Variants in AFF2 observed in about 807,000 individuals in gnomAD.
The protein encoded by AFF2 is AF4/FMR2 family member 2.
Under a neutral mutation model 76.9 loss-of-function variants are expected in AFF2, and 14 were observed. That is an observed-to-expected ratio of 0.18 (90% CI 0.12 to 0.28). The LOEUF (loss-of-function observed/expected upper bound fraction) is 0.28. Among genes scored for constraint, AFF2 ranks in the 10% least tolerant of loss-of-function variants. The pLI is 1.00. For missense variants in AFF2, 868 were observed against 1,001.1 expected (o/e 0.87, Z 1.79); for synonymous variants, 398 against 366.7 (o/e 1.09, Z -0.98).
At chrX:148,544,516 G>T (rs2052898241) in intron 1 of AFF2, among the ~76,000 whole-genome samples, 1 of 112,331 alleles carries the variant, frequency 8.9e-6, no homozygotes, top group Non-Finnish European at 1.9e-5. Flanking sequence ...GTCTCAGTTT[G>T]CCTCTGTCTT....
At chrX:148,690,377 G>A (rs1200400884) in intron 3 of AFF2, among the ~76,000 whole-genome samples, 1 of 112,164 alleles carries the variant, frequency 8.9e-6, no homozygotes, top group East Asian at 2.8e-4. Context: ...GTGGACCATA[G>A]AATCATAGAA....
intron 1 of AFF2, among the ~76,000 whole-genome samples, chrX:148,530,880 T>G: frequency 8.9e-6 from 1 of 111,807 alleles, no homozygotes; most frequent in East Asian, 2.8e-4. Flanking sequence ...GTTTAATCAT[T>G]TACATTTAGC....
chrX:148,551,482 GAAAAAAAAAAA>G (rs781883999), intron 1 of AFF2, among the ~76,000 whole-genome samples: 39 of 38,013 alleles, frequency 1.0e-3, no homozygotes, highest in East Asian at 3.1e-3. Flanking sequence ...GCTGGGAAGT[GAAAAAAAAAAA>G]AAAAAAAAAA....
At chrX:148,912,297 C>T (rs1159072824) in intron 9 of AFF2, among the ~76,000 whole-genome samples, 1 of 112,107 alleles carries the variant, frequency 8.9e-6, no homozygotes, top group Non-Finnish European at 1.9e-5. Context: ...CTCCACCCCC[C>T]CATCAGGCCC....
intron 1 of AFF2, among the ~76,000 whole-genome samples, chrX:148,651,565 T>C (rs1315271829): frequency 8.9e-6 from 1 of 111,980 alleles, no homozygotes. Context: ...AAATCCAATT[T>C]ATCTTCAGCT....
In AFF2 at chrX:148,995,472, AGGGGGT is replaced by A. The variant is rs1313439532; in HGVS notation, c.*4152_*4157del. 1 of 1,920 alleles carries A rather than the reference AGGGGGT, an allele frequency of 5.2e-4. No homozygotes were observed. The highest frequency in any genetic ancestry group is 1.1e-3 in the Non-Finnish European group (1 of 926). 0.2% of individuals were successfully genotyped at this position (1,920 alleles called of 1,213,427 possible). ...AAATTGCATTGTGGGGAGGGCAGAAAGGGGGTGGGGGTGGGGGCGGGGGGGTGGGGG... is the reference window on the plus strand; with the variant it reads ...AAATTGCATTGTGGGGAGGGCAGAAAGGGGGTGGGGGCGGGGGGGTGGGGG... On this transcript the variant is annotated 3_prime_UTR_variant, in exon 21 of 21. Transcript: ENST00000370460.
chrX:148,798,567 G>A (rs2070016447), intron 3 of AFF2, among the ~76,000 whole-genome samples: 1 of 112,301 alleles, frequency 8.9e-6, no homozygotes, highest in Non-Finnish European at 1.9e-5. Context: ...TCAAGAGTAG[G>A]TCTGGTTAGT....
chrX:148,628,658 AAGCT>A (rs2053952007), intron 1 of AFF2, among the ~76,000 whole-genome samples: 1 of 112,032 alleles, frequency 8.9e-6, no homozygotes, highest in African/African-American at 3.2e-5. Context: ...GAAGCAGAGA[AAGCT>A]AGCTATGATA....
chrX:148,507,978 A>G (rs1269600730), intron 1 of AFF2, among the ~76,000 whole-genome samples: 6 of 112,440 alleles, frequency 5.3e-5, no homozygotes, highest in African/African-American at 1.9e-4. Context: ...GAAAAATAAA[A>G]TCAGCTAATG....
At chrX:148,772,183 AG>A (rs1354327102) in intron 3 of AFF2, among the ~76,000 whole-genome samples, 25 of 112,220 alleles carry the variant, frequency 2.2e-4, no homozygotes, top group African/African-American at 8.1e-4. Context: ...GCTTTTGTAC[AG>A]TTATAGGTTA....
At position 148,998,618 on chromosome X, in the gene AFF2, G is replaced by A. The variant is rs1421764769; in HGVS notation, c.*7286G>A. ...AGGCAGATGAGACAGTGTTATATCA[G>A]GATTTTTCAATCAACTTTAGTTGGA... On this transcript the variant is annotated 3_prime_UTR_variant, in exon 21 of 21. Transcript: ENST00000370460. 8 of 111,519 alleles carry A rather than the reference G, an allele frequency of 7.2e-5. No homozygotes were observed. Among genetic ancestry groups the A allele is most frequent in the Non-Finnish European group, 1.3e-4 (7 of 52,998 alleles). 9.2% of individuals were successfully genotyped at this position (111,519 alleles called of 1,213,427 possible).
At chrX:148,965,065 G>A (rs2072155507) in intron 13 of AFF2, among the ~76,000 whole-genome samples, 1 of 112,412 alleles carries the variant, frequency 8.9e-6, no homozygotes, top group East Asian at 2.8e-4. Flanking sequence ...TCAGCCTTGA[G>A]TTTGCATTTG....
At chrX:148,527,519 T>G (rs1003579576) in intron 1 of AFF2, among the ~76,000 whole-genome samples, 1 of 111,469 alleles carries the variant, frequency 9.0e-6, no homozygotes, top group Non-Finnish European at 1.9e-5. Flanking sequence ...CAGTAGAATA[T>G]CAACATCAAT....
At chrX:148,720,936 G>T (rs1321839883) in intron 3 of AFF2, among the ~76,000 whole-genome samples, 1 of 111,518 alleles carries the variant, frequency 9.0e-6, no homozygotes, top group African/African-American at 3.3e-5. Flanking sequence ...TCTATGGAGG[G>T]TTCATAGAGA....
At chrX:148,970,623 T>C (rs782431771) in intron 15 of AFF2, among the ~76,000 whole-genome samples, 1 of 112,203 alleles carries the variant, frequency 8.9e-6, no homozygotes, top group African/African-American at 3.2e-5. Flanking sequence ...AGTTTAATCA[T>C]GACCATTATC....
chrX:148,736,433 A>G (rs990397110), intron 3 of AFF2, among the ~76,000 whole-genome samples: 4 of 110,014 alleles, frequency 3.6e-5, no homozygotes, highest in East Asian at 2.9e-4. Context: ...AGAATTGTCT[A>G]TTCATGTCCT....
At chrX:148,677,501 G>T (rs1409301038) in intron 3 of AFF2, among the ~76,000 whole-genome samples, 1 of 111,965 alleles carries the variant, frequency 8.9e-6, no homozygotes, top group Non-Finnish European at 1.9e-5. Context: ...TAGAGAGCAT[G>T]GGAAAATATG....
In AFF2 at chrX:148,995,029, T is replaced by G. The variant is rs1257083350; in HGVS notation, c.*3697T>G. 8.9e-6 allele frequency: 1 copy of G among 112,019 alleles called. No individual in the cohort carries two copies. The highest frequency in any genetic ancestry group is 3.3e-5 in the African/African-American group (1 of 30,685). 9.2% of individuals were successfully genotyped at this position (112,019 alleles called of 1,213,427 possible). A position where few individuals can be genotyped will look rare whatever the true frequency, so the allele number is the denominator to read the frequency against. ...GGCAAGATGATACAGCTACACAGTA[T>G]CAAATGAATGGGTCAATTCAGCACC... On this transcript the variant is annotated 3_prime_UTR_variant, in exon 21 of 21. Transcript: ENST00000370460.
chrX:148,883,699 G>T (rs1157761255), intron 7 of AFF2, among the ~76,000 whole-genome samples: 1 of 111,195 alleles, frequency 9.0e-6, no homozygotes, highest in Non-Finnish European at 1.9e-5. Flanking sequence ...AGCTGGAGAT[G>T]ATCTAGGTTC....
Sources: gnomAD v4.1 joint callset for allele counts (sites outside exome capture counted in the v4.1 genomes callset) on GRCh38, gnomAD v4.1.1 for gene constraint, MANE v1.5 for transcripts, NCBI Gene and HGNC (gene_info 2026-07-23, HGNC 2026-07-21) for gene names.